Variants in USP34 observed in about 807,000 individuals in gnomAD.
USP34 encodes ubiquitin specific peptidase 34, also known as ubiquitin carboxyl-terminal hydrolase 34.
USP34 carries 70 observed loss-of-function variants against 460.3 expected under a neutral mutation model. The observed-to-expected ratio is 0.15, with a 90% CI of 0.13 to 0.19. The LOEUF (loss-of-function observed/expected upper bound fraction) is 0.19, where lower values mean the gene tolerates loss of function less well. Among genes scored for constraint, USP34 ranks in the 10% least tolerant of loss-of-function variants. The pLI is 1.00. For synonymous variants in USP34, 1,647 were observed against 1,405.3 expected (o/e 1.17, Z -3.85); for missense variants, 3,985 against 4,236.2 (o/e 0.94, Z 1.65).
chr2:61,307,974 G>C (rs558007357), intron 27 of USP34, among the ~76,000 whole-genome samples: 221 of 152,152 alleles, frequency 1.5e-3, no homozygotes, highest in African/African-American at 5.1e-3. Context: ...ACCTGAGAAC[G>C]GGAGGTTAAG....
intron 27 of USP34, among the ~76,000 whole-genome samples, chr2:61,309,159 C>T (rs1690509075): frequency 6.6e-6 from 1 of 152,120 alleles, no homozygotes; most frequent in African/African-American, 2.4e-5. Flanking sequence ...AATTGTGCAA[C>T]AAAATTATTT....
At chr2:61,192,864 G>T (rs1246158968) in intron 76 of USP34, 37 bp downstream of exon 76, 4 of 1,561,004 alleles carry the variant, frequency 2.6e-6, no homozygotes, top group African/African-American at 1.4e-5. Flanking sequence ...GGTCAGATAA[G>T]ATTAAAGACC....
At chr2:61,457,085 G>A (rs1304538425) in intron 1 of USP34, among the ~76,000 whole-genome samples, 5 of 152,094 alleles carry the variant, frequency 3.3e-5, no homozygotes, top group Admixed American at 6.6e-5. Context: ...AGACCAGCCT[G>A]GGTAACATGG....
intron 5 of USP34, among the ~76,000 whole-genome samples, chr2:61,394,556 A>AAAT (rs1693457819): frequency 2.6e-5 from 4 of 151,416 alleles, no homozygotes; most frequent in Admixed American, 6.6e-5. Flanking sequence ...AAAAAAAAAA[A>AAAT]AATAAGTTAA....
intron 5 of USP34, among the ~76,000 whole-genome samples, chr2:61,394,477 C>T (rs1693453302): frequency 6.7e-6 from 1 of 149,000 alleles, no homozygotes; most frequent in Non-Finnish European, 1.5e-5. Flanking sequence ...GGGAGGATCA[C>T]CTGAGCCCAG....
intron 1 of USP34, among the ~76,000 whole-genome samples, chr2:61,450,906 T>C (rs1273256821): frequency 6.8e-6 from 1 of 146,438 alleles, no homozygotes; most frequent in Non-Finnish European, 1.5e-5. Flanking sequence ...AAAAAAGGAT[T>C]CTAAAGTTTC....
At chr2:61,225,771 G>T (rs1687707894) in intron 62 of USP34, among the ~76,000 whole-genome samples, 1 of 152,108 alleles carries the variant, frequency 6.6e-6, no homozygotes, top group South Asian at 2.1e-4. Flanking sequence ...TTTTATGAGT[G>T]TTTCTGTTAA....
chr2:61,451,698 A>C (rs1238730263), intron 1 of USP34, among the ~76,000 whole-genome samples: 4 of 151,992 alleles, frequency 2.6e-5, no homozygotes, highest in Non-Finnish European at 5.9e-5. Context: ...AAAAAACAAA[A>C]AAACAAAAAA....
intron 32 of USP34, among the ~76,000 whole-genome samples, chr2:61,294,210 G>A (rs564633604): frequency 3.3e-5 from 5 of 151,984 alleles, no homozygotes; most frequent in African/African-American, 1.2e-4. Flanking sequence ...GCCGGGTGTG[G>A]TGGCGGGCGC....
At chr2:61,256,287 T>C (rs1229407014) in intron 48 of USP34, 97 bp downstream of exon 48, 5 of 1,104,838 alleles carry the variant, frequency 4.5e-6, no homozygotes, top group Admixed American at 2.3e-5. Flanking sequence ...TTTACCTTCA[T>C]CATATAATTT....
At chr2:61,467,962 C>T (rs902914490) in intron 1 of USP34, among the ~76,000 whole-genome samples, 6 of 151,950 alleles carry the variant, frequency 3.9e-5, no homozygotes, top group African/African-American at 1.5e-4. Context: ...TGAACTGATG[C>T]TCATCTTTGT....
At chr2:61,223,653 T>G (rs559354431) in intron 62 of USP34, 1 of 202,662 alleles carries the variant, frequency 4.9e-6, no homozygotes, top group African/African-American at 2.4e-5. Flanking sequence ...AGTTTAAAAT[T>G]ACTGTATATT....
intron 1 of USP34, among the ~76,000 whole-genome samples, chr2:61,424,191 C>G (rs983656446): frequency 2.0e-5 from 3 of 152,074 alleles, no homozygotes; most frequent in Admixed American, 2.0e-4. Context: ...TCTCTTGGAC[C>G]TCTACTATAC....
At chr2:61,248,741 T>G in intron 48 of USP34, 58 bp from the exon 49 acceptor site, 2 of 1,456,388 alleles carry the variant, frequency 1.4e-6, no homozygotes, top group Non-Finnish European at 1.9e-6. Context: ...TCAGTTGGTT[T>G]GATTTCTGTT....
chr2:61,372,162 C>T (rs1357865880), intron 8 of USP34, among the ~76,000 whole-genome samples: 1 of 151,972 alleles, frequency 6.6e-6, no homozygotes, highest in Admixed American at 6.6e-5. Flanking sequence ...AATTTACTTT[C>T]TTATTGCATA....
At chr2:61,239,154 T>C (rs894892050) in intron 53 of USP34, among the ~76,000 whole-genome samples, 1 of 152,012 alleles carries the variant, frequency 6.6e-6, no homozygotes, top group Admixed American at 6.6e-5. Flanking sequence ...CAGGCCTCCA[T>C]ATTCTCTGAG....
At chr2:61,464,312 C>G (rs974776443) in intron 1 of USP34, among the ~76,000 whole-genome samples, 1 of 152,168 alleles carries the variant, frequency 6.6e-6, no homozygotes, top group African/African-American at 2.4e-5. Flanking sequence ...GAGTGAGACT[C>G]CGTCTCAAAA....
At chr2:61,372,502 A>AG (rs554320526) in intron 8 of USP34, among the ~76,000 whole-genome samples, 119 of 152,226 alleles carry the variant, frequency 7.8e-4, no homozygotes, top group Non-Finnish European at 1.6e-3. Flanking sequence ...ACTGAGGTCG[A>AG]GGGGACTGCT....
At chr2:61,201,790 T>C (rs1686985242) in intron 75 of USP34, among the ~76,000 whole-genome samples, 1 of 152,216 alleles carries the variant, frequency 6.6e-6, no homozygotes, top group African/African-American at 2.4e-5. Context: ...TCACGTAACT[T>C]TTAGTATAAA....
Sources: gnomAD v4.1 joint callset for allele counts (sites outside exome capture counted in the v4.1 genomes callset) on GRCh38, gnomAD v4.1.1 for gene constraint, MANE v1.5 for transcripts, NCBI Gene and HGNC (gene_info 2026-07-23, HGNC 2026-07-21) for gene names.